Variants in HMCN2 observed in about 807,000 individuals in gnomAD.
HMCN2 encodes hemicentin-2.
Under a neutral mutation model 377.5 loss-of-function variants are expected in HMCN2, and 325 were observed. The ratio of observed to expected loss-of-function variants is 0.86; its 90% CI spans 0.79 to 0.94. The LOEUF (loss-of-function observed/expected upper bound fraction) is 0.94. HMCN2 is among the 40% of genes least tolerant of loss of function. HMCN2 has a pLI of 0.00. For synonymous variants in HMCN2, 2,007 were observed against 2,046.8 expected, an observed-to-expected ratio of 0.98 and a Z score of 0.53; for missense variants, 4,543 against 4,725.3, an observed-to-expected ratio of 0.96 and a Z score of 1.13.
At position 130,422,764 on chromosome 9, in the gene HMCN2, T is replaced by C; in HGVS notation, c.13381+38T>C. 1 of 1,259,834 alleles carries C rather than the reference T, an allele frequency of 7.9e-7. No individual in the cohort carries two copies. Among genetic ancestry groups the C allele is most frequent in the Non-Finnish European group, 1.0e-6 (1 of 994,988 alleles). The allele number at this position is 1,259,834 out of a possible 1,614,324, so 78.0% of individuals were successfully genotyped here. ...CAGAGCATCACCTGCCTCTGGGTTA[T>C]TGTCACAGCCCAGCGAGCATCCTCC... is the stretch of plus-strand genomic sequence containing the variant. On this transcript the variant is annotated intron_variant, in intron 87 of 97. Coordinates refer to ENST00000683500, the MANE Select transcript of HMCN2 (RefSeq NM_001291815.2). This position sits in a 1 kb window ranked among gnomAD's most constrained non-coding sequence, Gnocchi z 4.2.
Position 130,422,469 on chromosome 9 carries a change from C to T in HMCN2, c.13232-108C>T. The T allele has an allele frequency of 1.2e-6, 1 of 836,646 alleles. No individual in the cohort carries two copies. Among genetic ancestry groups the T allele is most frequent in the Non-Finnish European group, 1.6e-6 (1 of 618,322 alleles). 51.8% of individuals were successfully genotyped at this position (836,646 alleles called of 1,614,324 possible). A position where few individuals can be genotyped will look rare whatever the true frequency, so the allele number is the denominator to read the frequency against. ...GTCCTTGGACAAGTGGAGGTGAACT[C>T]TCCGAGCCTCCATTTACTCCTTCAC... On this transcript the variant is annotated intron_variant, in intron 86 of 97. Transcript: ENST00000683500. This position sits in a 1 kb window ranked among gnomAD's most constrained non-coding sequence, Gnocchi z 4.2.
In HMCN2 at chr9:130,295,789, G is replaced by T. The variant is rs1255232161; in HGVS notation, c.891+17G>T. On this transcript the variant is annotated intron_variant, in intron 6 of 97. Coordinates refer to ENST00000683500, the MANE Select transcript of HMCN2 (RefSeq NM_001291815.2). ...TCCATCAAGGTAGGGGCACTGGGTT[G>T]CAGGAGAAAGGTCGACTAGCTTTAC... 4.3e-6 allele frequency: 2 copies of T among 470,172 alleles called. No homozygotes were observed. The highest frequency in any genetic ancestry group is 4.0e-5 in the African/African-American group (2 of 50,048). The allele number at this position is 470,172 out of a possible 1,614,324, so 29.1% of individuals were successfully genotyped here.
At chr9:130,424,946 G>A in intron 88 of HMCN2, 33 bp downstream of exon 88, 1 of 1,484,418 alleles carries the variant, frequency 6.7e-7, no homozygotes, top group Non-Finnish European at 9.0e-7. Flanking sequence ...GGGCCAGGTA[G>A]GACTAAAGCC....
chr9:130,432,721 C>A, intron 97 of HMCN2, 166 bp downstream of exon 97: 1 of 671,682 alleles, frequency 1.5e-6, no homozygotes, highest in Non-Finnish European at 2.5e-6. Flanking sequence ...AGAACGGGGA[C>A]ACAGGAGCAC....
intron 7 of HMCN2, among the ~76,000 whole-genome samples, chr9:130,296,996 C>A (rs1836201374): frequency 6.6e-6 from 1 of 152,166 alleles, no homozygotes; most frequent in South Asian, 2.1e-4. Context: ...TTTCCACTAG[C>A]CCCAGCCCAA....
At chr9:130,344,898 GGTGT>G (rs1193856320) in intron 25 of HMCN2, among the ~76,000 whole-genome samples, 1,663 of 112,224 alleles carry the variant, frequency 0.015, 42 homozygotes, top group Non-Finnish European at 0.021. Flanking sequence ...TGGTGTATGT[GGTGT>G]GTGTGTGTGT....
chr9:130,382,245 G>T lies in HMCN2; in HGVS notation c.8493G>T (p.Lys2831Asn). The T allele has an allele frequency of 2.0e-6, 2 of 985,872 alleles. No homozygotes were observed. The highest frequency in any genetic ancestry group is 2.4e-6 in the Non-Finnish European group (2 of 829,940). 61.1% of individuals were successfully genotyped at this position (985,872 alleles called of 1,614,324 possible). ...RAENAGRYSC[K>N]ASNEVGEDWL... The stretch of plus-strand genomic sequence containing the variant: ...AGAACGCCGGGAGGTACTCGTGCAA[G>T]GCCTCCAACGAGGTGGGCGAGGACT... The change falls in exon 55 of 98, where the codon AAG (lysine) becomes AAT (asparagine). Residue 2831 changes from lysine (K) to asparagine (N), a missense_variant. Transcript: ENST00000683500.
At chr9:130,311,705 G>C (rs1837248434) in intron 15 of HMCN2, among the ~76,000 whole-genome samples, 1 of 152,194 alleles carries the variant, frequency 6.6e-6, no homozygotes. Flanking sequence ...TCCAGACAAA[G>C]GGAATAGCAC....
At chr9:130,427,019 G>A (rs1388735418) in intron 90 of HMCN2, among the ~76,000 whole-genome samples, 2 of 152,166 alleles carry the variant, frequency 1.3e-5, no homozygotes, top group Non-Finnish European at 1.5e-5. Flanking sequence ...CAGGAGAGCC[G>A]TTTTGCACGT....
At chr9:130,415,668 A>G (rs560747548) in intron 85 of HMCN2, among the ~76,000 whole-genome samples, 210 of 152,304 alleles carry the variant, frequency 1.4e-3, no homozygotes, top group African/African-American at 4.6e-3. Context: ...GCAGTTTTCA[A>G]GTTGGCCTCG....
At position 130,428,518 on chromosome 9, in the gene HMCN2, C is replaced by T; in HGVS notation, c.14197+29C>T. On this transcript the variant is annotated intron_variant, in intron 93 of 97. Transcript: ENST00000683500. This position sits in a 1 kb window ranked among gnomAD's most constrained non-coding sequence, Gnocchi z 5.0. ...ATGGGGGCACAGCATGCGGCCTGTC[C>T]ATACTCCTGGAAACCCAGAGGTTGC... 6.5e-7 allele frequency: 1 copy of T among 1,535,578 alleles called. No homozygotes were observed. Among genetic ancestry groups the T allele is most frequent in the South Asian group, 1.2e-5 (1 of 83,952 alleles).
At chr9:130,413,573 T>C (rs1843530125) in intron 85 of HMCN2, among the ~76,000 whole-genome samples, 2 of 152,134 alleles carry the variant, frequency 1.3e-5, no homozygotes, top group African/African-American at 4.8e-5. Flanking sequence ...AAAGAGCCTC[T>C]GAAAAGTAGA....
In HMCN2 at chr9:130,419,117, G is replaced by A. The variant is rs573220342; in HGVS notation, c.13231+76G>A. 986 of 1,357,344 alleles carry A rather than the reference G, an allele frequency of 7.3e-4. 1 individual carries two copies. Among genetic ancestry groups the A allele is most frequent in the Non-Finnish European group, 8.7e-4 (902 of 1,042,360 alleles). 84.1% of individuals were successfully genotyped at this position (1,357,344 alleles called of 1,614,324 possible). A position where few individuals can be genotyped will look rare whatever the true frequency, so the allele number is the denominator to read the frequency against. On this transcript the variant is annotated intron_variant, in intron 86 of 97. Coordinates refer to ENST00000683500, the MANE Select transcript of HMCN2 (RefSeq NM_001291815.2). ...CCGATGGGGATTGTGTGGTGCTTATGGGAGACCTGTCCCCTGCCTTGCCAG... is the reference window on the plus strand; with the variant it reads ...CCGATGGGGATTGTGTGGTGCTTATAGGAGACCTGTCCCCTGCCTTGCCAG...
At chr9:130,377,602 C>T in intron 52 of HMCN2, 47 bp from the exon 53 acceptor site, 1 of 973,502 alleles carries the variant, frequency 1.0e-6, no homozygotes, top group Non-Finnish European at 1.2e-6. Context: ...GCTCGTGGCC[C>T]CTCATTTCTG....
At chr9:130,323,949 G>A (rs1045755899) in intron 19 of HMCN2, among the ~76,000 whole-genome samples, 2,846 of 152,254 alleles carry the variant, frequency 0.019, 44 homozygotes, top group Non-Finnish European at 0.027. Context: ...TGATCCACCT[G>A]CCTCAGCCTC....
At chr9:130,367,681 C>G (rs1390023183) in intron 43 of HMCN2, among the ~76,000 whole-genome samples, 2 of 152,006 alleles carry the variant, frequency 1.3e-5, no homozygotes, top group Non-Finnish European at 2.9e-5. Flanking sequence ...GTGGCTCACA[C>G]CTGTAATCCC....
At chr9:130,397,057 T>C (rs1402740252) in intron 73 of HMCN2, among the ~76,000 whole-genome samples, 1 of 152,188 alleles carries the variant, frequency 6.6e-6, no homozygotes, top group Non-Finnish European at 1.5e-5. Flanking sequence ...TTAGCATCTG[T>C]ATTAGGCCAT....
Position 130,431,469 on chromosome 9 carries a change from G to A in HMCN2, c.14750G>A (p.Ser4917Asn). Residue 4917 changes from serine (S) to asparagine (N), a missense_variant, in exon 96 of 98, where the codon AGC (serine) becomes AAC (asparagine). This residue lies in a region of HMCN2 where 1,155 missense variants were observed against 1,157.7 expected (regional missense o/e 1.00). Coordinates refer to ENST00000683500, the MANE Select transcript of HMCN2 (RefSeq NM_001291815.2). ...LCPAGYRLLP[S>N]GKNCQDINEC... ...CCCGCCGGCTACCGTCTGCTCCCCA[G>A]CGGGAAGAACTGCCAGGGTGAGCCG... The A allele has an allele frequency of 6.5e-7, 1 of 1,549,692 alleles. No homozygotes were observed. The highest frequency in any genetic ancestry group is 8.7e-7 in the Non-Finnish European group (1 of 1,146,820).
rs569862898 is a variant in HMCN2 at position 130,428,368 on chromosome 9, G to A, written c.14076G>A (p.Glu4692=). The change falls in exon 93 of 98, where the codon GAG becomes GAA. Residue 4692 remains glutamate, a synonymous_variant. Coordinates refer to ENST00000683500, the MANE Select transcript of HMCN2 (RefSeq NM_001291815.2). The surrounding 1 kb of genome is among the most constrained non-coding windows in gnomAD (Gnocchi z 5.0). Reference sequence around the variant, plus strand: ...CTGATCTGCCCCCAGATGTGGACGAGTGTGCGTGGGATGCTCACCTCTGCC... The same window carrying A: ...CTGATCTGCCCCCAGATGTGGACGAATGTGCGTGGGATGCTCACCTCTGCC... ...WDDRNCRDVD[E]CAWDAHLCRE... 1.9e-6 allele frequency: 3 copies of A among 1,547,390 alleles called. No homozygotes were observed. In the African/African-American group the frequency reaches 4.1e-5, roughly 21 times the overall value.
Sources: allele counts gnomAD v4.1 joint callset (sites outside exome capture counted in the v4.1 genomes callset), GRCh38; gene constraint gnomAD v4.1.1; regional missense constraint gnomAD v4.1.1; non-coding constraint Gnocchi (gnomAD v3.1); transcripts MANE v1.5; gene names NCBI Gene and HGNC (gene_info 2026-07-23, HGNC 2026-07-21).